Variants in RIMS1 observed in about 807,000 individuals in gnomAD.
RIMS1 encodes regulating synaptic membrane exocytosis protein 1.
Under a neutral mutation model 214.1 loss-of-function variants are expected in RIMS1, and 83 were observed. The observed-to-expected ratio is 0.39, with a 90% CI of 0.32 to 0.47. The LOEUF (loss-of-function observed/expected upper bound fraction) is 0.47. RIMS1 is among the 20% of genes least tolerant of loss of function. The pLI, the probability that RIMS1 is intolerant of heterozygous loss-of-function variation, is 0.99. For synonymous variants in RIMS1, 793 were observed against 786.8 expected, an observed-to-expected ratio of 1.01 and a Z score of -0.13; for missense variants, 2,050 against 2,161.8, an observed-to-expected ratio of 0.95 and a Z score of 1.03.
chr6:72,130,904 G>A (rs986210719), intron 4 of RIMS1, among the ~76,000 whole-genome samples: 1 of 152,040 alleles, frequency 6.6e-6, no homozygotes, highest in Non-Finnish European at 1.5e-5. Flanking sequence ...TTATCAAAAA[G>A]CCTTGAGAGA....
intron 1 of RIMS1, among the ~76,000 whole-genome samples, chr6:71,887,507 C>T (rs1176997340): frequency 6.6e-6 from 1 of 152,026 alleles, no homozygotes; most frequent in Admixed American, 6.5e-5. Context: ...GGTGCTGATC[C>T]CACCCAAGTG....
intron 2 of RIMS1, among the ~76,000 whole-genome samples, chr6:72,018,317 T>C (rs1478302098): frequency 1.3e-5 from 2 of 152,178 alleles, no homozygotes; most frequent in Non-Finnish European, 2.9e-5. Flanking sequence ...TTAAGTTTTT[T>C]TGGTCTCAAC....
At chr6:72,223,706 G>A (rs899357686) in intron 6 of RIMS1, among the ~76,000 whole-genome samples, 1 of 152,044 alleles carries the variant, frequency 6.6e-6, no homozygotes, top group Non-Finnish European at 1.5e-5. Context: ...CCAGCACTTT[G>A]GGAGGCTGAG....
chr6:72,084,893 A>G (rs1834261411), intron 2 of RIMS1, among the ~76,000 whole-genome samples: 1 of 152,150 alleles, frequency 6.6e-6, no homozygotes, highest in African/African-American at 2.4e-5. Context: ...ACTACCAACA[A>G]TAGAAAAATA....
intron 2 of RIMS1, among the ~76,000 whole-genome samples, chr6:72,043,141 A>G (rs1395001770): frequency 7.4e-6 from 1 of 135,508 alleles, no homozygotes; most frequent in African/African-American, 3.0e-5. Context: ...TGCTATAGTC[A>G]TAGAACTTGC....
chr6:72,305,465 A>T (rs2095059722), intron 26 of RIMS1, among the ~76,000 whole-genome samples: 1 of 152,132 alleles, frequency 6.6e-6, no homozygotes, highest in Non-Finnish European at 1.5e-5. Flanking sequence ...ATAGAGCAGA[A>T]CTAAATTTGC....
At chr6:72,356,181 T>G (rs2097635614) in intron 29 of RIMS1, among the ~76,000 whole-genome samples, 1 of 152,174 alleles carries the variant, frequency 6.6e-6, no homozygotes, top group Non-Finnish European at 1.5e-5. Context: ...AGAACATAAT[T>G]ATTTCCTATC....
At chr6:71,935,756 C>G (rs986912802) in intron 1 of RIMS1, among the ~76,000 whole-genome samples, 6 of 152,164 alleles carry the variant, frequency 3.9e-5, no homozygotes, top group Non-Finnish European at 7.3e-5. Context: ...CCTGTGCTGT[C>G]AAAGCCATGA....
In RIMS1 at chr6:72,268,690, A is replaced by G. The variant is rs114868039; in HGVS notation, c.3398+2641A>G. Among the ~76,000 whole-genome samples the G allele has an allele frequency of 3.9e-3, 599 of 152,308 alleles. 5 individuals carry two copies. Among genetic ancestry groups the G allele is most frequent in the African/African-American group, 0.014 (579 of 41,582 alleles). The stretch of plus-strand genomic sequence containing the variant: ...GTTACATAGTTTGGCCTACTTTAAC[A>G]GATGAGTTTTGAATAATGCATGTAA... On this transcript the variant is annotated intron_variant, in intron 22 of 33. Transcript: ENST00000521978.
intron 1 of RIMS1, among the ~76,000 whole-genome samples, chr6:71,940,911 A>G (rs1332119420): frequency 6.6e-6 from 1 of 152,180 alleles, no homozygotes; most frequent in South Asian, 2.1e-4. Flanking sequence ...TTTATGTCTC[A>G]AAAGGGCTGA....
chr6:71,987,932 T>C (rs1017224255), intron 2 of RIMS1, among the ~76,000 whole-genome samples: 1 of 152,132 alleles, frequency 6.6e-6, no homozygotes, highest in African/African-American at 2.4e-5. Flanking sequence ...GAGAAGGCAT[T>C]TGCATTTGAA....
chr6:71,888,458 A>G (rs1768531158), intron 1 of RIMS1, among the ~76,000 whole-genome samples: 1 of 152,210 alleles, frequency 6.6e-6, no homozygotes, highest in Non-Finnish European at 1.5e-5. Flanking sequence ...TGAAACCCAG[A>G]CACAGAGCAC....
chr6:72,343,445 A>G (rs2097159827), intron 29 of RIMS1, among the ~76,000 whole-genome samples: 1 of 149,456 alleles, frequency 6.7e-6, no homozygotes, highest in African/African-American at 2.5e-5. Flanking sequence ...TGTCTTCTCA[A>G]GGAAATAAGA....
intron 23 of RIMS1, among the ~76,000 whole-genome samples, chr6:72,282,000 G>C (rs1368705971): frequency 6.6e-6 from 1 of 151,758 alleles, no homozygotes; most frequent in Non-Finnish European, 1.5e-5. Context: ...ACCTAGAACA[G>C]TGCCTAGTAT....
intron 23 of RIMS1, 141 bp from the exon 24 acceptor site, chr6:72,283,906 A>AT (rs1023915143): frequency 1.2e-5 from 7 of 594,596 alleles, no homozygotes; most frequent in Non-Finnish European, 2.1e-5. Flanking sequence ...TTATTTGTTT[A>AT]TTTAGTTTTG....
intron 4 of RIMS1, among the ~76,000 whole-genome samples, chr6:72,176,675 C>T (rs973888924): frequency 6.6e-6 from 1 of 151,634 alleles, no homozygotes; most frequent in South Asian, 2.1e-4. Flanking sequence ...TTGTGGTGTA[C>T]AAGGAAATAA....
intron 6 of RIMS1, among the ~76,000 whole-genome samples, chr6:72,193,105 C>T (rs1830337): frequency 0.71 from 107,412 of 151,716 alleles, 38,345 homozygotes; most frequent in East Asian, 0.84. Flanking sequence ...ATAATTAAAT[C>T]CTAAAATTAT....
intron 2 of RIMS1, among the ~76,000 whole-genome samples, chr6:72,061,786 G>C (rs1173919678): frequency 6.6e-6 from 1 of 152,126 alleles, no homozygotes; most frequent in Admixed American, 6.5e-5. Flanking sequence ...TTTAATATTT[G>C]AAATATGTTA....
Position 72,075,670 on chromosome 6 carries a change from C to T in RIMS1, c.246-21279C>T, listed in dbSNP as rs370801142. 8.5e-5 allele frequency among the ~76,000 whole-genome samples: 13 copies of T among 152,164 alleles called. No individual in the cohort carries two copies. In the East Asian group the frequency reaches 2.1e-3, roughly 25 times the overall value. Reference sequence around the variant, plus strand: ...AGATGAAAACAGAATGCTCACCAGCCCATCTATAATTCTCATCAGTTCATT... The same window carrying T: ...AGATGAAAACAGAATGCTCACCAGCTCATCTATAATTCTCATCAGTTCATT... On this transcript the variant is annotated intron_variant, in intron 2 of 33. Coordinates refer to ENST00000521978, the MANE Select transcript of RIMS1 (RefSeq NM_014989.7).
Sources: allele counts gnomAD v4.1 joint callset (sites outside exome capture counted in the v4.1 genomes callset), GRCh38; gene constraint gnomAD v4.1.1; transcripts MANE v1.5; gene names NCBI Gene and HGNC (gene_info 2026-07-23, HGNC 2026-07-21).